LIPI: variants seen among roughly 807,000 people sequenced by gnomAD.
The protein encoded by LIPI is lipase I.
Under a neutral mutation model 50.6 loss-of-function variants are expected in LIPI, and 59 were observed. The observed-to-expected ratio is 1.16, with a 90% CI of 0.94 to 1.45. The LOEUF is 1.45. Ranked by LOEUF, LIPI falls within the 40% of genes most tolerant of loss-of-function variation. LIPI has a pLI of 0.00. For missense variants in LIPI, 586 were observed against 536.3 expected, an observed-to-expected ratio of 1.09 and a Z score of -0.92; for synonymous variants, 203 against 178.2, an observed-to-expected ratio of 1.14 and a Z score of -1.11.
chr21:14,181,769 G>C lies in LIPI; in HGVS notation c.632C>G (p.Ser211Cys). The C allele has an allele frequency of 6.3e-7, 1 of 1,597,180 alleles. No individual in the cohort carries two copies. Among genetic ancestry groups the C allele is most frequent in the East Asian group, 2.2e-5 (1 of 44,750 alleles). Reference sequence around the variant, plus strand: ...TCCTGATTTGTTACCATTGGAGTCAGAATGGATGACATCCACAAACTTTGC... The same window carrying C: ...TCCTGATTTGTTACCATTGGAGTCACAATGGATGACATCCACAAACTTTGC... ...TDAKFVDVIH[S>C]DSNGLGIQEP... Residue 211 changes from serine to cysteine, a missense_variant, in exon 4 of 10, where the codon TCT becomes TGT. Ser to Cys is a moderately radical substitution (Grantham distance 112, BLOSUM62 -1). Transcript: ENST00000681601.
chr21:14,131,281 C>G (rs1453674725), intron 9 of LIPI, among the ~76,000 whole-genome samples: 1 of 152,114 alleles, frequency 6.6e-6, no homozygotes, highest in South Asian at 2.1e-4. Flanking sequence ...CCAACTAGCA[C>G]TGGGGCCAGT....
chr21:14,198,954 T>C (rs970710634), intron 1 of LIPI, among the ~76,000 whole-genome samples: 1 of 151,968 alleles, frequency 6.6e-6, no homozygotes, highest in African/African-American at 2.4e-5. Flanking sequence ...CACTAAGAAA[T>C]TCACTCAAAA....
At chr21:14,182,358 A>C (rs2123246937) in intron 3 of LIPI, among the ~76,000 whole-genome samples, 1 of 152,218 alleles carries the variant, frequency 6.6e-6, no homozygotes, top group South Asian at 2.1e-4. Context: ...ACACACTCTT[A>C]AGAAAAGAAA....
At chr21:14,201,756 T>C (rs2020062229) in intron 1 of LIPI, among the ~76,000 whole-genome samples, 1 of 152,160 alleles carries the variant, frequency 6.6e-6, no homozygotes, top group African/African-American at 2.4e-5. Flanking sequence ...ACTGGAAGCA[T>C]TCCCTTTGAA....
At chr21:14,164,868 A>G (rs1369457006) in intron 6 of LIPI, among the ~76,000 whole-genome samples, 1 of 152,098 alleles carries the variant, frequency 6.6e-6, no homozygotes, top group Admixed American at 6.6e-5. Context: ...AAACAAAAAA[A>G]CCTCAGTGTT....
At chr21:14,128,437 A>T (rs965420120) in intron 9 of LIPI, among the ~76,000 whole-genome samples, 1 of 152,092 alleles carries the variant, frequency 6.6e-6, no homozygotes, top group African/African-American at 2.4e-5. Context: ...GAGAAACCTT[A>T]GGTAGCCTGT....
intron 8 of LIPI, among the ~76,000 whole-genome samples, 200 bp from the exon 9 acceptor site, chr21:14,144,999 A>G (rs186042376): frequency 1.4e-4 from 22 of 152,300 alleles, no homozygotes; most frequent in African/African-American, 5.1e-4. Flanking sequence ...CAAAATAATA[A>G]TAAATGCATT....
rs754559704 is a variant in LIPI, at chr21:14,189,376, C to T, written c.90G>A (p.Lys30=). 7 of 1,612,758 alleles carry T rather than the reference C, an allele frequency of 4.3e-6. No homozygotes were observed. The highest frequency in any genetic ancestry group is 5.1e-6 in the Non-Finnish European group (6 of 1,178,956). ...PCLEFSQLSV[K]DSFRDLFIPR... is the part of the protein sequence containing the mutation. ...GAATAAATAAATCTCTGAAGGAATC[C>T]TTTACACTTAGCTGAGAGAATTCAA... Residue 30 remains lysine, a synonymous_variant, in exon 2 of 10, where the codon AAG becomes AAA. Coordinates refer to ENST00000681601, the MANE Select transcript of LIPI (RefSeq NM_001302998.2).
At chr21:14,192,476 G>C (rs1023712507) in intron 1 of LIPI, among the ~76,000 whole-genome samples, 7 of 151,766 alleles carry the variant, frequency 4.6e-5, no homozygotes, top group African/African-American at 7.3e-5. Context: ...AACAAACAAA[G>C]AAACAAACAA....
intron 9 of LIPI, among the ~76,000 whole-genome samples, chr21:14,138,814 A>T (rs1247263243): frequency 6.6e-6 from 1 of 152,122 alleles, no homozygotes; most frequent in Non-Finnish European, 1.5e-5. Flanking sequence ...CGTGCATTTT[A>T]GATCTTTCAT....
chr21:14,200,180 T>C (rs370180444), intron 1 of LIPI, among the ~76,000 whole-genome samples: 4 of 152,138 alleles, frequency 2.6e-5, no homozygotes, highest in East Asian at 3.9e-4. Context: ...GCATTCCCCT[T>C]GAAAACCAGC....
At chr21:14,190,647 A>C (rs2019637767) in intron 1 of LIPI, among the ~76,000 whole-genome samples, 1 of 152,230 alleles carries the variant, frequency 6.6e-6, no homozygotes, top group African/African-American at 2.4e-5. Flanking sequence ...AGGAGAAGCA[A>C]GACTTGCATT....
chr21:14,202,322 G>C (rs540226804), intron 1 of LIPI, among the ~76,000 whole-genome samples: 1 of 152,062 alleles, frequency 6.6e-6, no homozygotes, highest in Non-Finnish European at 1.5e-5. Flanking sequence ...CACAGAATTC[G>C]AAAAAACTAT....
chr21:14,190,416 T>C (rs78202971), intron 1 of LIPI, among the ~76,000 whole-genome samples: 3,463 of 152,248 alleles, frequency 0.023, 142 homozygotes, highest in African/African-American at 0.079. Context: ...ATTCAGGAAA[T>C]AATTTTTCAA....
chr21:14,167,010 AATAC>A (rs1478611735), intron 4 of LIPI, among the ~76,000 whole-genome samples: 1 of 152,238 alleles, frequency 6.6e-6, no homozygotes, highest in Non-Finnish European at 1.5e-5. Context: ...CTCCCACCCT[AATAC>A]TGCGCTTCTG....
At chr21:14,168,322 T>TG (rs2018766918) in intron 4 of LIPI, among the ~76,000 whole-genome samples, 2 of 152,012 alleles carry the variant, frequency 1.3e-5, no homozygotes, top group East Asian at 1.9e-4. Context: ...TTCCCCAATC[T>TG]AGCGAGGAAG....
intron 2 of LIPI, 86 bp from the exon 3 acceptor site, chr21:14,186,155 T>C: frequency 1.3e-6 from 1 of 793,736 alleles, no homozygotes; most frequent in East Asian, 2.5e-5. Context: ...CATTTCAAAA[T>C]TCATTATTTT....
At chr21:14,193,417 A>C (rs1406751354) in intron 1 of LIPI, among the ~76,000 whole-genome samples, 3 of 152,140 alleles carry the variant, frequency 2.0e-5, no homozygotes, top group Non-Finnish European at 2.9e-5. Context: ...TTTTAAATGT[A>C]GGTAGACTAA....
At chr21:14,129,438 A>AC (rs1377436263) in intron 9 of LIPI, among the ~76,000 whole-genome samples, 1 of 152,106 alleles carries the variant, frequency 6.6e-6, no homozygotes, top group Non-Finnish European at 1.5e-5. Flanking sequence ...ATTGTGTCCC[A>AC]CAACAGTTAG....
Sources: gnomAD v4.1 joint callset for allele counts (sites outside exome capture counted in the v4.1 genomes callset) on GRCh38, gnomAD v4.1.1 for gene constraint, MANE v1.5 for transcripts, NCBI Gene and HGNC (gene_info 2026-07-23, HGNC 2026-07-21) for gene names.